The following ZC2HC1A variants were observed in gnomAD, a reference collection of about 807,000 sequenced individuals.
ZC2HC1A encodes the protein zinc finger C2HC domain-containing protein 1A.
ZC2HC1A carries 28 observed loss-of-function variants against 40.7 expected under a neutral mutation model. The observed-to-expected ratio is 0.69, with a 90% CI of 0.51 to 0.94. ZC2HC1A has a LOEUF of 0.94. Ranked by LOEUF, ZC2HC1A falls within the 40% of genes least tolerant of loss-of-function variation. The probability of loss-of-function intolerance (pLI) is 0.00; values close to 1 mark genes in which losing one functional copy is unlikely to be tolerated. For missense variants in ZC2HC1A, 389 were observed against 386.3 expected (o/e 1.01, Z -0.06); for synonymous variants, 129 against 129.2 (o/e 1.00, Z 0.01).
intron 7 of ZC2HC1A, among the ~76,000 whole-genome samples, chr8:78,707,263 A>T (rs1316623349): frequency 6.6e-6 from 1 of 152,218 alleles, no homozygotes; most frequent in African/African-American, 2.4e-5. Flanking sequence ...TAGTACTGGC[A>T]ATTTTATCAG....
intron 7 of ZC2HC1A, among the ~76,000 whole-genome samples, chr8:78,708,314 T>C (rs1206613393): frequency 6.6e-6 from 1 of 152,194 alleles, no homozygotes; most frequent in Admixed American, 6.5e-5. Flanking sequence ...TGTAATAGAA[T>C]CATGCCACAA....
At chr8:78,680,311 A>C (rs1011510462) in intron 3 of ZC2HC1A, among the ~76,000 whole-genome samples, 2,009 of 144,816 alleles carry the variant, frequency 0.014, 23 homozygotes, top group Non-Finnish European at 0.023. Flanking sequence ...AAAAAAAAAA[A>C]AAAAGCAAAG....
At chr8:78,705,345 T>C (rs1365241575) in intron 7 of ZC2HC1A, among the ~76,000 whole-genome samples, 1 of 152,210 alleles carries the variant, frequency 6.6e-6, no homozygotes, top group Non-Finnish European at 1.5e-5. Flanking sequence ...TGCTTGTGTA[T>C]GCTGGGTGTC....
chr8:78,700,089 A>G (rs1297715296), intron 7 of ZC2HC1A, among the ~76,000 whole-genome samples: 2 of 152,200 alleles, frequency 1.3e-5, no homozygotes, highest in African/African-American at 4.8e-5. Flanking sequence ...CCAGCAATGT[A>G]TAAGCATTCC....
intron 1 of ZC2HC1A, among the ~76,000 whole-genome samples, chr8:78,668,429 A>G (rs1232146079): frequency 6.6e-6 from 1 of 152,216 alleles, no homozygotes; most frequent in Non-Finnish European, 1.5e-5. Context: ...GGCATTAGAC[A>G]TATGTTTCTA....
At chr8:78,690,706 A>G (rs1810183343) in intron 5 of ZC2HC1A, among the ~76,000 whole-genome samples, 1 of 152,222 alleles carries the variant, frequency 6.6e-6, no homozygotes, top group African/African-American at 2.4e-5. Flanking sequence ...TGACATTTTA[A>G]CAATATTGAG....
intron 2 of ZC2HC1A, among the ~76,000 whole-genome samples, chr8:78,676,746 G>T (rs1026748362): frequency 6.6e-6 from 1 of 151,718 alleles, no homozygotes; most frequent in Non-Finnish European, 1.5e-5. Flanking sequence ...AAAACATCTT[G>T]CCCACACATT....
At chr8:78,685,726 T>C (rs1809947246) in intron 3 of ZC2HC1A, among the ~76,000 whole-genome samples, 2 of 152,184 alleles carry the variant, frequency 1.3e-5, no homozygotes, top group Non-Finnish European at 2.9e-5. Context: ...TGAGGACTAT[T>C]TTTCATATTT....
At chr8:78,681,479 G>A (rs888461541) in intron 3 of ZC2HC1A, among the ~76,000 whole-genome samples, 12 of 152,120 alleles carry the variant, frequency 7.9e-5, no homozygotes, top group South Asian at 2.1e-4. Context: ...ATTTGCTGAC[G>A]TTTAAGATTT....
chr8:78,705,428 AG>A (rs1810741212), intron 7 of ZC2HC1A, among the ~76,000 whole-genome samples: 1 of 152,202 alleles, frequency 6.6e-6, no homozygotes, highest in African/African-American at 2.4e-5. Flanking sequence ...AAATCAGCAA[AG>A]GTAGTGGCCT....
rs750516008 is a variant in ZC2HC1A, at chr8:78,697,475, G to A, written c.573G>A (p.Pro191=). 4.0e-5 allele frequency: 64 copies of A among 1,608,502 alleles called. No individual in the cohort carries two copies. The highest frequency in any genetic ancestry group is 3.0e-4 in the South Asian group (27 of 89,956). ...CATCATCAGGATCTTCACGATTACC[G>A]CAGCCAAGTGGCGCTGGCAAAACTG... ...GTASSGSSRL[P]QPSGAGKTVV... Residue 191 remains proline, a synonymous_variant, in exon 6 of 9, where the codon CCG becomes CCA. Transcript: ENST00000263849.
chr8:78,715,349 C>T, intron 8 of ZC2HC1A, 21 bp downstream of exon 8: 1 of 1,573,618 alleles, frequency 6.4e-7, no homozygotes, highest in Non-Finnish European at 8.6e-7. Flanking sequence ...CTCTGCTCTC[C>T]CAATAACTAA....
At chr8:78,697,322 CAAAG>C (rs1395710697) in intron 5 of ZC2HC1A, 81 bp from the exon 6 acceptor site, 1 of 1,120,462 alleles carries the variant, frequency 8.9e-7, no homozygotes, top group East Asian at 2.6e-5. Flanking sequence ...ATCCTAAACC[CAAAG>C]AATGTTAAGT....
Position 78,667,005 on chromosome 8 carries a change from A to C in ZC2HC1A, c.16+841A>C, listed in dbSNP as rs1809318644. 4.6e-5 allele frequency among the ~76,000 whole-genome samples: 7 copies of C among 152,358 alleles called. No individual in the cohort carries two copies. In the South Asian group the frequency reaches 1.4e-3, roughly 32 times the overall value. ...TTTTAATTTGTTATGATGAAGAACA[A>C]ACCTTCAGAATTGAAAGATCCTATT... On this transcript the variant is annotated intron_variant, in intron 1 of 8. Coordinates refer to ENST00000263849, the MANE Select transcript of ZC2HC1A (RefSeq NM_016010.3).
At chr8:78,712,378 AT>A (rs1169382040) in intron 7 of ZC2HC1A, among the ~76,000 whole-genome samples, 1 of 152,128 alleles carries the variant, frequency 6.6e-6, no homozygotes, top group African/African-American at 2.4e-5. Context: ...TTTAATAATT[AT>A]TTTTATGAAG....
intron 4 of ZC2HC1A, among the ~76,000 whole-genome samples, chr8:78,688,711 T>C (rs1219986906): frequency 4.6e-5 from 7 of 152,176 alleles, no homozygotes; most frequent in Non-Finnish European, 1.0e-4. Context: ...TTTAATCACT[T>C]CTTCCATCTG....
chr8:78,718,203 C>T lies in ZC2HC1A; in HGVS notation c.*710C>T, dbSNP rs544412136. On this transcript the variant is annotated 3_prime_UTR_variant, in exon 9 of 9. Coordinates refer to ENST00000263849, the MANE Select transcript of ZC2HC1A (RefSeq NM_016010.3). ...GATTTTTTTTAGTTCTGTATGTATT[C>T]GTTGAACATATTTTTTTACTTCCAA... 1.3e-5 allele frequency: 2 copies of T among 151,926 alleles called. No individual in the cohort carries two copies. The highest frequency in any genetic ancestry group is 3.9e-4 in the East Asian group (2 of 5,180). The allele number at this position is 151,926 out of a possible 1,614,324, so 9.4% of individuals were successfully genotyped here. A position where few individuals can be genotyped will look rare whatever the true frequency, so the allele number is the denominator to read the frequency against.
At chr8:78,672,899 A>G (rs973066812) in intron 1 of ZC2HC1A, among the ~76,000 whole-genome samples, 6 of 150,818 alleles carry the variant, frequency 4.0e-5, no homozygotes, top group African/African-American at 1.5e-4. Context: ...ATTATTTTTA[A>G]TTTTTTTTTT....
chr8:78,672,861 G>T (rs542070887), intron 1 of ZC2HC1A, among the ~76,000 whole-genome samples: 2 of 151,872 alleles, frequency 1.3e-5, no homozygotes, highest in Non-Finnish European at 2.9e-5. Context: ...ACATTATAAT[G>T]TGAAGTTTCA....
Sources: allele counts gnomAD v4.1 joint callset (sites outside exome capture counted in the v4.1 genomes callset), GRCh38; gene constraint gnomAD v4.1.1; transcripts MANE v1.5; gene names NCBI Gene and HGNC (gene_info 2026-07-23, HGNC 2026-07-21).